Variants in ZC3H7B observed in about 807,000 individuals in gnomAD.
ZC3H7B encodes zinc finger CCCH-type containing 7B.
Under a neutral mutation model 116.0 loss-of-function variants are expected in ZC3H7B, and 35 were observed. The observed-to-expected ratio is 0.30, with a 90% CI of 0.23 to 0.40. The LOEUF is 0.40. Among genes scored for constraint, ZC3H7B ranks in the 10% least tolerant of loss-of-function variants. The probability of loss-of-function intolerance (pLI) is 1.00; values close to 1 mark genes in which losing one functional copy is unlikely to be tolerated. For missense variants in ZC3H7B, 1,011 were observed against 1,321.5 expected (o/e 0.77, Z 3.64); for synonymous variants, 502 against 545.6 (o/e 0.92, Z 1.11).
intron 2 of ZC3H7B, among the ~76,000 whole-genome samples, chr22:41,321,809 C>T (rs2036259483): frequency 7.5e-6 from 1 of 133,040 alleles, no homozygotes; most frequent in South Asian, 2.4e-4. Flanking sequence ...TGGTTGACCA[C>T]AAAACTCAAA....
chr22:41,334,605 C>T (rs557396723), intron 7 of ZC3H7B: 1 of 152,488 alleles, frequency 6.6e-6, no homozygotes. Flanking sequence ...GCCTCATGAA[C>T]TCAGTTTGCC....
Position 41,308,462 on chromosome 22 carries a change from G to T in ZC3H7B, c.-7+6690G>T, listed in dbSNP as rs552234098. The stretch of plus-strand genomic sequence containing the variant: ...CTGTCTCCTTTTCTGTGAAACGGCC[G>T]TACTGATCCTGTCGAATCTGCATCA... On this transcript the variant is annotated intron_variant, in intron 1 of 22. Coordinates refer to ENST00000352645, the MANE Select transcript of ZC3H7B (RefSeq NM_017590.6). Among the ~76,000 whole-genome samples, 11 of 152,190 alleles carry T rather than the reference G, an allele frequency of 7.2e-5. No individual in the cohort carries two copies. In the East Asian group the frequency reaches 2.1e-3, roughly 29 times the overall value.
Position 41,316,554 on chromosome 22 carries a change from C to T in ZC3H7B, c.-6-4101C>T, listed in dbSNP as rs1005868242. On this transcript the variant is annotated intron_variant, in intron 1 of 22. Coordinates refer to ENST00000352645, the MANE Select transcript of ZC3H7B (RefSeq NM_017590.6). ...CAGGTGATCCACGCACCTTGGCCTC[C>T]GAAAGTGCTGGACTTAACAGCTGTA... Among the ~76,000 whole-genome samples the T allele has an allele frequency of 1.8e-4, 27 of 148,682 alleles. 1 individual carries two copies. The highest frequency in any genetic ancestry group is 1.6e-3 in the Admixed American group (23 of 14,670).
chr22:41,311,074 T>TC (rs1214150177), intron 1 of ZC3H7B, among the ~76,000 whole-genome samples: 1 of 151,572 alleles, frequency 6.6e-6, no homozygotes, highest in African/African-American at 2.4e-5. Flanking sequence ...CTCACTTTTT[T>TC]TTTTTTTTTT....
At chr22:41,322,870 A>G (rs2036274991) in intron 2 of ZC3H7B, among the ~76,000 whole-genome samples, 1 of 152,056 alleles carries the variant, frequency 6.6e-6, no homozygotes, top group Admixed American at 6.6e-5. Flanking sequence ...GGGCTCAAGC[A>G]GTTTTCCTAC....
chr22:41,330,046 T>C lies in ZC3H7B; in HGVS notation c.468T>C (p.Gly156=). 2 of 1,613,848 alleles carry C rather than the reference T, an allele frequency of 1.2e-6. No individual in the cohort carries two copies. Among genetic ancestry groups the C allele is most frequent in the Non-Finnish European group, 1.7e-6 (2 of 1,180,000 alleles). ...AGGATGAAAGCGTGACTCAGCTTGGTCAGGAGCTGGCCCAGAAACTGGGGC... is the reference window on the plus strand; with the variant it reads ...AGGATGAAAGCGTGACTCAGCTTGGCCAGGAGCTGGCCCAGAAACTGGGGC... ...LPHDESVTQL[G]QELAQKLGLR... The change falls in exon 6 of 23, where the codon GGT becomes GGC. Residue 156 remains glycine (G), a synonymous_variant. Transcript: ENST00000352645.
intron 1 of ZC3H7B, among the ~76,000 whole-genome samples, chr22:41,319,292 T>C (rs2036223785): frequency 6.6e-6 from 1 of 152,132 alleles, no homozygotes; most frequent in Non-Finnish European, 1.5e-5. Flanking sequence ...TCCTAGCTAC[T>C]CAGGAGGCTG....
In ZC3H7B at chr22:41,343,822, C is replaced by T. The variant is rs115307081; in HGVS notation, c.1459+246C>T. On this transcript the variant is annotated intron_variant, in intron 13 of 22. Coordinates refer to ENST00000352645, the MANE Select transcript of ZC3H7B (RefSeq NM_017590.6). Reference sequence around the variant, plus strand: ...ACATTTGGGACATTCAGCTGGAGACCGAGCCCGTCACTGGCCTGTGCTCTG... The same window carrying T: ...ACATTTGGGACATTCAGCTGGAGACTGAGCCCGTCACTGGCCTGTGCTCTG... Among the ~76,000 whole-genome samples, 1,255 of 152,268 alleles carry T rather than the reference C, an allele frequency of 8.2e-3. 29 individuals carry two copies. The highest frequency in any genetic ancestry group is 0.029 in the African/African-American group (1,185 of 41,538).
chr22:41,347,685 C>T (rs536834972), intron 14 of ZC3H7B, among the ~76,000 whole-genome samples: 40 of 152,166 alleles, frequency 2.6e-4, no homozygotes, highest in Middle Eastern at 6.8e-3. Flanking sequence ...TCTTCCAGGT[C>T]GGGACTTGTG....
chr22:41,306,973 C>CTTTT (rs398061942), intron 1 of ZC3H7B, among the ~76,000 whole-genome samples: 1 of 129,070 alleles, frequency 7.7e-6, no homozygotes, highest in East Asian at 2.2e-4. Flanking sequence ...CAGCTCCTTT[C>CTTTT]TTTTTTTTTT....
In ZC3H7B at chr22:41,302,825, G is replaced by A. The variant is rs1175712127; in HGVS notation, c.-7+1053G>A. 6.6e-6 allele frequency among the ~76,000 whole-genome samples: 1 copy of A among 152,016 alleles called. No individual in the cohort carries two copies. The highest frequency in any genetic ancestry group is 1.5e-5 in the Non-Finnish European group (1 of 67,990). ...GGGAAGACTAGGGGGCTAGGGCCCT[G>A]CGTGGGGAGTCTGGGGGCTCTAAAA... On this transcript the variant is annotated intron_variant, in intron 1 of 22. Transcript: ENST00000352645. The surrounding 1 kb of genome is among the most constrained non-coding windows in gnomAD (Gnocchi z 5.7).
chr22:41,322,029 CG>C (rs2036263639), intron 2 of ZC3H7B, among the ~76,000 whole-genome samples: 1 of 149,324 alleles, frequency 6.7e-6, no homozygotes, highest in Non-Finnish European at 1.5e-5. Flanking sequence ...TTAGTAGAGA[CG>C]GGGTTTCACC....
At chr22:41,345,836 C>A (rs2036577516) in intron 13 of ZC3H7B, among the ~76,000 whole-genome samples, 167 bp from the exon 14 acceptor site, 2 of 152,166 alleles carry the variant, frequency 1.3e-5, no homozygotes, top group African/African-American at 4.8e-5. Context: ...TCTGCCAAGT[C>A]CTGGCAGGGG....
Position 41,349,893 on chromosome 22 carries a change from A to C in ZC3H7B, c.1948+592A>C, listed in dbSNP as rs1032836795. Among the ~76,000 whole-genome samples, 1 of 152,174 alleles carries C rather than the reference A, an allele frequency of 6.6e-6. No individual in the cohort carries two copies. Among genetic ancestry groups the C allele is most frequent in the Non-Finnish European group, 1.5e-5 (1 of 68,026 alleles). ...AATCCTGTATTCCATCCATTCTAGG[A>C]TGCACATTTACCCCTACTGCCTGTC... On this transcript the variant is annotated intron_variant, in intron 16 of 22. Coordinates refer to ENST00000352645, the MANE Select transcript of ZC3H7B (RefSeq NM_017590.6). This position sits in a 1 kb window ranked among gnomAD's most constrained non-coding sequence, Gnocchi z 4.9.
intron 6 of ZC3H7B, among the ~76,000 whole-genome samples, chr22:41,331,061 G>A (rs1239138143): frequency 1.4e-5 from 2 of 144,430 alleles, no homozygotes; most frequent in African/African-American, 5.0e-5. Context: ...AGTAGAGATG[G>A]GGTTTCACCG....
chr22:41,328,746 T>C (rs908762987), intron 5 of ZC3H7B, among the ~76,000 whole-genome samples: 2 of 152,158 alleles, frequency 1.3e-5, no homozygotes, highest in African/African-American at 4.8e-5. Flanking sequence ...CCAGGCACTG[T>C]TACAAGCTTT....
In ZC3H7B at chr22:41,320,669, G is replaced by A. The variant is rs752083112; in HGVS notation, c.9G>A (p.Arg3=). 11 of 1,612,646 alleles carry A rather than the reference G, an allele frequency of 6.8e-6. No homozygotes were observed. In the East Asian group the frequency reaches 2.5e-4, roughly 36 times the overall value. ...CTCTTCCCCAGAGACTGATGGAGAG[G>A]CAGAAACGGAAGGCGGACATCGAGA... is the stretch of plus-strand genomic sequence containing the variant. The part of the protein sequence containing the change: ME[R]QKRKADIEKG... The change falls in exon 2 of 23, where the codon AGG becomes AGA. Residue 3 remains arginine (R), a synonymous_variant. Coordinates refer to ENST00000352645, the MANE Select transcript of ZC3H7B (RefSeq NM_017590.6).
At chr22:41,331,092 C>T (rs1163190684) in intron 6 of ZC3H7B, among the ~76,000 whole-genome samples, 6 of 142,012 alleles carry the variant, frequency 4.2e-5, no homozygotes, top group African/African-American at 1.3e-4. Context: ...CTCCTGACCT[C>T]GTGATCCGCC....
At chr22:41,311,595 G>T (rs1290853278) in intron 1 of ZC3H7B, among the ~76,000 whole-genome samples, 1 of 152,082 alleles carries the variant, frequency 6.6e-6, no homozygotes, top group African/African-American at 2.4e-5. Context: ...CAGCCTGGGT[G>T]TTGGACTTCC....
Sources: gnomAD v4.1 joint callset for allele counts (sites outside exome capture counted in the v4.1 genomes callset) on GRCh38, gnomAD v4.1.1 for gene constraint, Gnocchi (gnomAD v3.1) non-coding constraint, MANE v1.5 for transcripts, NCBI Gene and HGNC (gene_info 2026-07-23, HGNC 2026-07-21) for gene names.